The following POLR2F variants were observed in gnomAD, a reference collection of about 807,000 sequenced individuals.
The protein encoded by POLR2F is DNA-directed RNA polymerases I, II, and III subunit RPABC2.
In POLR2F, 12 loss-of-function variants were observed where a neutral mutation model predicts 22.7. The observed-to-expected ratio is 0.53, with a 90% confidence interval of 0.34 to 0.86. The LOEUF is 0.86. POLR2F is among the 40% of genes least tolerant of loss of function. The probability of loss-of-function intolerance (pLI) is 0.02; values close to 1 mark genes in which losing one functional copy is unlikely to be tolerated. For synonymous variants in POLR2F, 57 were observed against 66.0 expected, an observed-to-expected ratio of 0.86 and a Z score of 0.66; for missense variants, 126 against 171.5, an observed-to-expected ratio of 0.73 and a Z score of 1.48.
chr22:38,000,440 C>T lies in POLR2F; in HGVS notation c.120+14128C>T, dbSNP rs1011636731. ...CCAAGTGGGCTGGGAAAATTCCTTA[C>T]TTATAGCTGGGGTGGGGAGAGGACA... On this transcript the variant is annotated intron_variant, in intron 1 of 2. Transcript: ENST00000333418. Among the ~76,000 whole-genome samples the T allele has an allele frequency of 2.6e-5, 4 of 152,292 alleles. No homozygotes were observed. In the East Asian group the frequency reaches 5.8e-4, roughly 22 times the overall value.
At chr22:38,014,350 T>C (rs187291831) in intron 1 of POLR2F, among the ~76,000 whole-genome samples, 1 of 151,232 alleles carries the variant, frequency 6.6e-6, no homozygotes, top group Non-Finnish European at 1.5e-5. Context: ...GACTTATTTT[T>C]TTTATTTTTT....
intron 1 of POLR2F, among the ~76,000 whole-genome samples, chr22:38,007,098 C>T (rs1408383158): frequency 1.3e-5 from 2 of 151,858 alleles, no homozygotes; most frequent in Non-Finnish European, 2.9e-5. Flanking sequence ...CTGTGGTGAG[C>T]TGCAGAGTGG....
chr22:37,983,817 C>T (rs973897229), upstream of POLR2F: 11 of 1,398,374 alleles, frequency 7.9e-6, no homozygotes, highest in Non-Finnish European at 1.0e-5. This position sits in a 1 kb window ranked among gnomAD's most constrained non-coding sequence, Gnocchi z 9.5. Context: ...GCCGCCTCGG[C>T]CGCCTCCCCC....
At chr22:37,982,628 C>A (rs563137983), upstream of POLR2F, among the ~76,000 whole-genome samples, 3 of 152,072 alleles carry the variant, frequency 2.0e-5, no homozygotes, top group South Asian at 6.2e-4. Flanking sequence ...GGTTGCTCAA[C>A]GTTGGGGTGG....
chr22:38,027,487 A>T (rs2085024742), downstream of POLR2F, among the ~76,000 whole-genome samples: 1 of 152,020 alleles, frequency 6.6e-6, no homozygotes, highest in South Asian at 2.1e-4. Context: ...GCCACAGTTC[A>T]CTGTCCACAA....
At chr22:37,962,367 C>T (rs1420274247) in intron 3 of POLR2F, among the ~76,000 whole-genome samples, 1 of 152,214 alleles carries the variant, frequency 6.6e-6, no homozygotes, top group Non-Finnish European at 1.5e-5. Context: ...CTGTTGCCTC[C>T]TCTAGTCCTG....
chr22:38,018,245 G>A (rs1488157981), intron 1 of POLR2F, among the ~76,000 whole-genome samples: 1 of 152,240 alleles, frequency 6.6e-6, no homozygotes, highest in Non-Finnish European at 1.5e-5. Flanking sequence ...CTTGAGCCAG[G>A]TTAAGGGTTC....
chr22:37,970,194 T>A (rs1487204153), downstream of POLR2F, among the ~76,000 whole-genome samples: 1 of 150,566 alleles, frequency 6.6e-6, no homozygotes, highest in Non-Finnish European at 1.5e-5. Context: ...CTCGGGAGGC[T>A]GAGGCGGGAG....
chr22:37,990,060 G>T (rs1378655387), intron 1 of POLR2F, among the ~76,000 whole-genome samples: 1 of 152,190 alleles, frequency 6.6e-6, no homozygotes, highest in African/African-American at 2.4e-5. Flanking sequence ...CCAGTCTCCA[G>T]TTCCTATTGG....
intron 1 of POLR2F, among the ~76,000 whole-genome samples, chr22:37,955,208 T>G (rs952039027): frequency 1.3e-5 from 2 of 150,884 alleles, no homozygotes; most frequent in Admixed American, 6.6e-5. Context: ...TAAGGGTTTT[T>G]TTTTTTTTTT....
chr22:37,972,637 G>A (rs1218578904), downstream of POLR2F: 1 of 172,222 alleles, frequency 5.8e-6, no homozygotes, highest in Admixed American at 5.7e-5. Context: ...TCACTCTCTG[G>A]GAAGCCCAGG....
At chr22:37,964,280 A>G (rs1342340073) in intron 3 of POLR2F, among the ~76,000 whole-genome samples, 3 of 152,070 alleles carry the variant, frequency 2.0e-5, no homozygotes, top group African/African-American at 4.8e-5. Flanking sequence ...AGGGATTAGA[A>G]TTCTAGTGGG....
chr22:37,959,935 C>T (rs575525511), intron 3 of POLR2F, among the ~76,000 whole-genome samples: 1 of 150,906 alleles, frequency 6.6e-6, no homozygotes, highest in Admixed American at 6.6e-5. Context: ...TCCCAGGTAG[C>T]TGGAATTACA....
At chr22:37,956,699 G>C in intron 1 of POLR2F, 74 bp from the exon 2 acceptor site, 1 of 1,152,420 alleles carries the variant, frequency 8.7e-7, no homozygotes, top group Non-Finnish European at 1.3e-6. Context: ...TTACAAGTGT[G>C]ATCCACCGTG....
At chr22:37,956,216 A>G (rs1931393325) in intron 1 of POLR2F, among the ~76,000 whole-genome samples, 1 of 151,728 alleles carries the variant, frequency 6.6e-6, no homozygotes, top group African/African-American at 2.4e-5. Flanking sequence ...CAGCCTCCCA[A>G]GTAGTTGGGA....
intron 1 of POLR2F, chr22:37,987,444 A>T (rs1263004890): frequency 2.7e-6 from 1 of 375,358 alleles, no homozygotes; most frequent in Non-Finnish European, 5.3e-6. Flanking sequence ...CCTCTTCCTG[A>T]GGGAGCTGGT....
At chr22:37,994,608 C>T (rs554008345) in intron 1 of POLR2F, among the ~76,000 whole-genome samples, 170 of 152,192 alleles carry the variant, frequency 1.1e-3, no homozygotes, top group African/African-American at 3.8e-3. Context: ...AAGCTCCGCC[C>T]CCCGGGTTCA....
intron 1 of POLR2F, among the ~76,000 whole-genome samples, chr22:37,998,427 G>C (rs1390431379): frequency 2.0e-5 from 3 of 152,210 alleles, no homozygotes; most frequent in East Asian, 1.9e-4. Context: ...TGGACCCTGG[G>C]CCTCACACTT....
intron 5 of POLR2F, among the ~76,000 whole-genome samples, chr22:38,035,741 G>C (rs898072692): frequency 3.3e-5 from 5 of 152,210 alleles, no homozygotes; most frequent in Non-Finnish European, 7.3e-5. Flanking sequence ...AACAGCAGAA[G>C]AGGAGGGGAA....
Sources: allele counts gnomAD v4.1 joint callset (sites outside exome capture counted in the v4.1 genomes callset), GRCh38; gene constraint gnomAD v4.1.1; non-coding constraint Gnocchi (gnomAD v3.1); transcripts MANE v1.5; gene names NCBI Gene and HGNC (gene_info 2026-07-23, HGNC 2026-07-21).